Variants in FRYL observed in about 807,000 individuals in gnomAD.
FRYL encodes the protein protein furry homolog-like.
In FRYL, 150 loss-of-function variants were observed where a neutral mutation model predicts 351.2. The observed-to-expected ratio is 0.43, with a 90% CI of 0.37 to 0.49. The LOEUF is 0.49. Ranked by LOEUF, FRYL falls within the 20% of genes least tolerant of loss-of-function variation. The pLI is 0.00. For missense variants in FRYL, 3,036 were observed against 3,619.3 expected (o/e 0.84, Z 4.13); for synonymous variants, 1,153 against 1,257.1 (o/e 0.92, Z 1.75).
At chr4:48,540,296 T>A in intron 46 of FRYL, 57 bp downstream of exon 46, 2 of 1,525,120 alleles carry the variant, frequency 1.3e-6, no homozygotes, top group East Asian at 2.3e-5. Flanking sequence ...AACAAATGAT[T>A]AGTTTACATT....
At chr4:48,693,241 A>G (rs755726849) in intron 2 of FRYL, among the ~76,000 whole-genome samples, 3 of 152,178 alleles carry the variant, frequency 2.0e-5, no homozygotes, top group Non-Finnish European at 2.9e-5. Flanking sequence ...AACATCCCAT[A>G]CACAAATTTA....
intron 33 of FRYL, 77 bp from the exon 34 acceptor site, chr4:48,557,789 C>T: frequency 6.6e-7 from 1 of 1,519,972 alleles, no homozygotes; most frequent in Non-Finnish European, 9.0e-7. Flanking sequence ...CAACAGATTT[C>T]AGAAGCCAGA....
At chr4:48,754,355 A>T (rs1375360410) in intron 1 of FRYL, among the ~76,000 whole-genome samples, 1 of 152,176 alleles carries the variant, frequency 6.6e-6, no homozygotes, top group Non-Finnish European at 1.5e-5. Flanking sequence ...CATTGCATGG[A>T]CATACCATAT....
intron 41 of FRYL, chr4:48,546,548 T>C (rs1373932350): frequency 2.5e-5 from 9 of 364,276 alleles, no homozygotes; most frequent in African/African-American, 1.6e-4. Flanking sequence ...CAAGTGGCAG[T>C]TTCCTAATAT....
chr4:48,563,079 T>A, intron 31 of FRYL, 91 bp from the exon 32 acceptor site: 1 of 823,476 alleles, frequency 1.2e-6, no homozygotes. Flanking sequence ...GCAAGGCTTA[T>A]AGGCATCTAT....
chr4:48,658,584 C>CAAAAAAAAAAAAAA (rs11388062), intron 3 of FRYL, among the ~76,000 whole-genome samples: 9 of 95,668 alleles, frequency 9.4e-5, no homozygotes, highest in African/African-American at 2.1e-4. Flanking sequence ...CAAAAAAATA[C>CAAAAAAAAAAAAAA]AAAAAAAAAA....
chr4:48,525,058 CT>C (rs1485918549), intron 53 of FRYL, among the ~76,000 whole-genome samples: 1 of 137,408 alleles, frequency 7.3e-6, no homozygotes, highest in African/African-American at 2.8e-5. Context: ...GTAACCTACA[CT>C]TTTTGAAAAA....
rs981424705 is a variant in FRYL at position 48,546,053 on chromosome 4, G to A, written c.5279+14C>T. ...CACATACACTGCTGGGATGATAAGA[G>A]CTGCCAGTGTTACCTTGAGGTAATG... On this transcript the variant is annotated intron_variant, in intron 42 of 63. Transcript: ENST00000358350. 1.9e-6 allele frequency: 3 copies of A among 1,606,274 alleles called. No individual in the cohort carries two copies. Among genetic ancestry groups the A allele is most frequent in the African/African-American group, 1.3e-5 (1 of 74,818 alleles).
chr4:48,524,429 T>C (rs1232688161), intron 53 of FRYL, among the ~76,000 whole-genome samples: 1 of 152,122 alleles, frequency 6.6e-6, no homozygotes, highest in East Asian at 1.9e-4. Context: ...CCAAAACACA[T>C]AATGGCAACA....
At chr4:48,718,389 T>C (rs1769104511) in intron 1 of FRYL, among the ~76,000 whole-genome samples, 1 of 151,612 alleles carries the variant, frequency 6.6e-6, no homozygotes, top group South Asian at 2.1e-4. Flanking sequence ...ATTTAAGGTA[T>C]GTATCTTTCT....
intron 1 of FRYL, among the ~76,000 whole-genome samples, chr4:48,724,331 G>A (rs1408096989): frequency 6.6e-6 from 1 of 151,712 alleles, no homozygotes; most frequent in Non-Finnish European, 1.5e-5. Flanking sequence ...CTATTTCCAT[G>A]TTGGGCCTGT....
At chr4:48,655,601 C>A (rs1758683118) in intron 3 of FRYL, among the ~76,000 whole-genome samples, 1 of 149,364 alleles carries the variant, frequency 6.7e-6, no homozygotes, top group Admixed American at 6.7e-5. Flanking sequence ...CAGTTGTTAA[C>A]AAATTCAGGA....
chr4:48,723,131 G>GT (rs1021169437), intron 1 of FRYL, among the ~76,000 whole-genome samples: 42 of 150,958 alleles, frequency 2.8e-4, no homozygotes, highest in Middle Eastern at 3.4e-3. Flanking sequence ...AACCTAACAG[G>GT]TTTTTTTTTG....
intron 3 of FRYL, among the ~76,000 whole-genome samples, chr4:48,645,816 T>C (rs889345288): frequency 6.6e-6 from 1 of 152,180 alleles, no homozygotes; most frequent in African/African-American, 2.4e-5. Context: ...GCACCATAAA[T>C]AAGGAAACCT....
At chr4:48,586,819 T>C in intron 18 of FRYL, 91 bp from the exon 19 acceptor site, 1 of 785,842 alleles carries the variant, frequency 1.3e-6, no homozygotes, top group Admixed American at 2.6e-5. Context: ...AAAGTGCGAG[T>C]CCTCCCCTAA....
In FRYL at chr4:48,589,735, T is replaced by C; in HGVS notation, c.1640+10A>G. 2 of 1,611,036 alleles carry C rather than the reference T, an allele frequency of 1.2e-6. No homozygotes were observed. Among genetic ancestry groups the C allele is most frequent in the Non-Finnish European group, 1.7e-6 (2 of 1,178,884 alleles). On this transcript the variant is annotated intron_variant, in intron 18 of 63. Transcript: ENST00000358350. ...GAAATAGCAATGAAGGCACATAATT[T>C]ACTACATACGTAATCATGTCTTCAG...
chr4:48,505,672 C>T (rs569936469), intron 59 of FRYL, 57 bp from the exon 60 acceptor site: 2 of 1,080,656 alleles, frequency 1.9e-6, no homozygotes, highest in African/African-American at 1.6e-5. Context: ...AGTGTAACAG[C>T]CTGTCCATAT....
chr4:48,581,512 T>C lies in FRYL; in HGVS notation c.2080A>G (p.Ile694Val). 1 of 1,614,048 alleles carries C rather than the reference T, an allele frequency of 6.2e-7. No homozygotes were observed. The highest frequency in any genetic ancestry group is 8.5e-7 in the Non-Finnish European group (1 of 1,179,978). ...FHVVEGFALV[I>V]LCSSRPATRR... ...GTGGCAGGTCGACTGCTACAGAGAA[T>C]GACAAGCGCAAAGCCTTCAACCACA... Residue 694 changes from isoleucine to valine, a missense_variant, in exon 21 of 64, where the codon ATT (isoleucine) becomes GTT (valine). By Grantham distance (29) the Ile-to-Val change is conservative. Coordinates refer to ENST00000358350, the MANE Select transcript of FRYL (RefSeq NM_015030.2).
chr4:48,743,968 A>T (rs1772399146), intron 1 of FRYL, among the ~76,000 whole-genome samples: 1 of 152,134 alleles, frequency 6.6e-6, no homozygotes, highest in African/African-American at 2.4e-5. Context: ...CCCCATATAC[A>T]TGTGTACATG....
Sources: gnomAD v4.1 joint callset for allele counts (sites outside exome capture counted in the v4.1 genomes callset) on GRCh38, gnomAD v4.1.1 for gene constraint, MANE v1.5 for transcripts, NCBI Gene and HGNC (gene_info 2026-07-23, HGNC 2026-07-21) for gene names.